Variants in ECHDC3 observed in about 807,000 individuals in gnomAD.
ECHDC3 encodes the protein enoyl-CoA hydratase domain containing 3.
In ECHDC3, 20 loss-of-function variants were observed where a neutral mutation model predicts 17.9. The observed-to-expected ratio is 1.12, with a 90% CI of 0.79 to 1.63. The LOEUF (loss-of-function observed/expected upper bound fraction) is 1.63. Ranked by LOEUF, ECHDC3 falls within the 40% of genes most tolerant of loss-of-function variation. ECHDC3 has a pLI of 0.00. For synonymous variants in ECHDC3, 177 were observed against 149.7 expected (o/e 1.18, Z -1.33); for missense variants, 407 against 357.7 (o/e 1.14, Z -1.11).
intron 1 of ECHDC3, among the ~76,000 whole-genome samples, chr10:11,745,368 A>G (rs886752803): frequency 3.3e-5 from 5 of 152,176 alleles, no homozygotes; most frequent in African/African-American, 7.2e-5. Flanking sequence ...AGCTTTTTAT[A>G]TTTGCTACAA....
intron 2 of ECHDC3, among the ~76,000 whole-genome samples, chr10:11,747,790 G>A (rs1022450194): frequency 6.6e-6 from 1 of 152,120 alleles, no homozygotes; most frequent in African/African-American, 2.4e-5. Context: ...TATAAAATGG[G>A]TTTAACCACT....
chr10:11,753,576 G>T (rs4750099), intron 3 of ECHDC3, among the ~76,000 whole-genome samples: 24,788 of 151,926 alleles, frequency 0.16, 2,537 homozygotes, highest in East Asian at 0.3. Context: ...CACTCAGAAC[G>T]AAAACAAAAT....
chr10:11,755,390 GGT>G lies in ECHDC3; in HGVS notation c.391-13_391-12del. 1 of 1,598,854 alleles carries G rather than the reference GGT, an allele frequency of 6.3e-7. No homozygotes were observed. On this transcript the variant is annotated splice_polypyrimidine_tract_variant and intron_variant, in intron 3 of 4. Transcript: ENST00000379215. ...CCTCCCTCTGGGTGGAAATGAAGTA[GGT>G]GTGTTTGTCCCGCAGGTCATGATGC...
rs775137140 is a variant in ECHDC3, at chr10:11,763,303, T to C, written c.671T>C (p.Val224Ala). ...CTCCACGGGCTGCTTAGCAAGGTGG[T>C]GCCAGAGGCGGAGCTGCAGGAGGAG... is the stretch of plus-strand genomic sequence containing the variant. ...ALLHGLLSKV[V>A]PEAELQEETM... The change falls in exon 5 of 5, where the codon GTG becomes GCG. Residue 224 changes from valine to alanine, a missense_variant. Coordinates refer to ENST00000379215, the MANE Select transcript of ECHDC3 (RefSeq NM_024693.5). The surrounding 1 kb of genome is among the most constrained non-coding windows in gnomAD (Gnocchi z 4.9). 1.4e-5 allele frequency: 11 copies of C among 780,164 alleles called. No homozygotes were observed. Among genetic ancestry groups the C allele is most frequent in the Non-Finnish European group, 2.6e-5 (11 of 418,104 alleles). 48.3% of individuals were successfully genotyped at this position (780,164 alleles called of 1,614,324 possible). A position where few individuals can be genotyped will look rare whatever the true frequency, so the allele number is the denominator to read the frequency against.
intron 2 of ECHDC3, among the ~76,000 whole-genome samples, chr10:11,748,702 G>A (rs1339035482): frequency 2.0e-5 from 3 of 152,064 alleles, no homozygotes; most frequent in South Asian, 2.1e-4. Flanking sequence ...CCTGGCCAAC[G>A]TGGCAAAACC....
intron 1 of ECHDC3, among the ~76,000 whole-genome samples, chr10:11,743,239 A>G (rs1201743496): frequency 1.3e-5 from 2 of 151,982 alleles, no homozygotes; most frequent in Non-Finnish European, 2.9e-5. Context: ...GGAGGGCCCT[A>G]CCCCCTCCAG....
At chr10:11,752,780 T>C (rs1430421279) in intron 3 of ECHDC3, among the ~76,000 whole-genome samples, 1 of 152,166 alleles carries the variant, frequency 6.6e-6, no homozygotes, top group Non-Finnish European at 1.5e-5. Context: ...GTTAAATGAC[T>C]TGTCCAGGAT....
At chr10:11,747,240 T>C in intron 1 of ECHDC3, 109 bp from the exon 2 acceptor site, 2 of 1,411,924 alleles carry the variant, frequency 1.4e-6, no homozygotes, top group South Asian at 1.4e-5. Flanking sequence ...CCCCAGCAGT[T>C]CTCCTTTCTT....
At chr10:11,755,317 C>T in intron 3 of ECHDC3, 91 bp from the exon 4 acceptor site, 1 of 1,125,872 alleles carries the variant, frequency 8.9e-7, no homozygotes, top group Non-Finnish European at 1.2e-6. Context: ...CAGAGTGAGA[C>T]TCTGTCAAAA....
chr10:11,752,051 T>G (rs568569597), intron 3 of ECHDC3: 1 of 152,264 alleles, frequency 6.6e-6, no homozygotes, highest in East Asian at 1.9e-4. Context: ...TATTCTAGCT[T>G]GTTGATTATT....
chr10:11,758,593 T>C (rs1588465555), intron 4 of ECHDC3, among the ~76,000 whole-genome samples: 1 of 152,226 alleles, frequency 6.6e-6, no homozygotes, highest in Non-Finnish European at 1.5e-5. Flanking sequence ...GTGATTTGTG[T>C]GGCCAGAGGT....
chr10:11,757,716 T>A (rs1244358667), intron 4 of ECHDC3, among the ~76,000 whole-genome samples: 1 of 152,184 alleles, frequency 6.6e-6, no homozygotes, highest in Non-Finnish European at 1.5e-5. Context: ...CTCAGGAACA[T>A]GGCTTGGGGT....
chr10:11,751,522 A>G (rs1208731048), intron 3 of ECHDC3, among the ~76,000 whole-genome samples: 1 of 152,264 alleles, frequency 6.6e-6, no homozygotes, highest in Non-Finnish European at 1.5e-5. Flanking sequence ...AATGAGCTAG[A>G]TATTTCATTG....
rs576901491 is a variant in ECHDC3, at chr10:11,744,073, C to T, written c.170+1327C>T. On this transcript the variant is annotated intron_variant, in intron 1 of 4. Coordinates refer to ENST00000379215, the MANE Select transcript of ECHDC3 (RefSeq NM_024693.5). ...AGTGTCCCTTTTCCATGCTCCTCCTCCCAGCAGCACTGCTGTCATGGACCC... is the reference window on the plus strand; with the variant it reads ...AGTGTCCCTTTTCCATGCTCCTCCTTCCAGCAGCACTGCTGTCATGGACCC... Among the ~76,000 whole-genome samples, 4 of 152,374 alleles carry T rather than the reference C, an allele frequency of 2.6e-5. No homozygotes were observed. In the East Asian group the frequency reaches 7.7e-4, roughly 29 times the overall value.
intron 3 of ECHDC3, among the ~76,000 whole-genome samples, chr10:11,753,695 G>C (rs966674313): frequency 6.6e-6 from 1 of 152,066 alleles, no homozygotes; most frequent in African/African-American, 2.4e-5. Context: ...CCCCAGTCTC[G>C]CCTTACAGTG....
intron 1 of ECHDC3, among the ~76,000 whole-genome samples, chr10:11,743,306 C>T (rs1832717534): frequency 6.6e-6 from 1 of 152,210 alleles, no homozygotes; most frequent in Non-Finnish European, 1.5e-5. Flanking sequence ...GCCTGCGTAC[C>T]GTGTTTCAGC....
At chr10:11,759,730 C>G (rs574941392) in intron 4 of ECHDC3, among the ~76,000 whole-genome samples, 4 of 152,172 alleles carry the variant, frequency 2.6e-5, no homozygotes, top group African/African-American at 9.7e-5. Flanking sequence ...CACCCCCGTT[C>G]CAAGGCTGGG....
chr10:11,763,579 C>G lies in ECHDC3; in HGVS notation c.*35C>G, dbSNP rs1371017681. 2.1e-6 allele frequency: 3 copies of G among 1,458,310 alleles called. No homozygotes were observed. Among genetic ancestry groups the G allele is most frequent in the Non-Finnish European group, 2.7e-6 (3 of 1,107,790 alleles). 90.3% of individuals were successfully genotyped at this position (1,458,310 alleles called of 1,614,324 possible). On this transcript the variant is annotated 3_prime_UTR_variant, in exon 5 of 5. Coordinates refer to ENST00000379215, the MANE Select transcript of ECHDC3 (RefSeq NM_024693.5). This position sits in a 1 kb window ranked among gnomAD's most constrained non-coding sequence, Gnocchi z 4.9. ...GAGGAGTGAGGCCCACGGGCAGCGC[C>G]CAGGAGCCCACCTTCCCCTCTGGCC...
intron 3 of ECHDC3, among the ~76,000 whole-genome samples, chr10:11,753,560 C>T (rs551542186): frequency 9.3e-4 from 141 of 152,204 alleles, no homozygotes; most frequent in Non-Finnish European, 1.8e-3. Flanking sequence ...TTGGGTGGTG[C>T]AACAACACTC....
Sources: allele counts gnomAD v4.1 joint callset (sites outside exome capture counted in the v4.1 genomes callset), GRCh38; gene constraint gnomAD v4.1.1; non-coding constraint Gnocchi (gnomAD v3.1); transcripts MANE v1.5; gene names NCBI Gene and HGNC (gene_info 2026-07-23, HGNC 2026-07-21).